The following NLRP2 variants were observed in gnomAD, a reference collection of about 807,000 sequenced individuals.
NLRP2 encodes NACHT, LRR and PYD domains-containing protein 2.
In NLRP2, 107 loss-of-function variants were observed where a neutral mutation model predicts 97.2. That is an observed-to-expected ratio of 1.10 (90% CI 0.94 to 1.29). The LOEUF (loss-of-function observed/expected upper bound fraction) is 1.29. NLRP2 is among the 50% of genes most tolerant of loss of function. The probability of loss-of-function intolerance (pLI) is 0.00; values close to 1 mark genes in which losing one functional copy is unlikely to be tolerated. For synonymous variants in NLRP2, 663 were observed against 551.5 expected, an observed-to-expected ratio of 1.20 and a Z score of -2.83; for missense variants, 1,495 against 1,330.3, an observed-to-expected ratio of 1.12 and a Z score of -1.93.
Position 54,982,968 on chromosome 19 carries a change from A to G in NLRP2, c.1270A>G (p.Thr424Ala), listed in dbSNP as rs149876739. 290 of 1,611,440 alleles carry G rather than the reference A, an allele frequency of 1.8e-4. 1 individual carries two copies. The African/African-American group carries it at 3.4e-3, about 19-fold the overall frequency. The change falls in exon 6 of 13, where the codon ACC (threonine) becomes GCC (alanine). Residue 424 changes from threonine to alanine, a missense_variant. Coordinates refer to ENST00000448584, the MANE Select transcript of NLRP2 (RefSeq NM_017852.5). The stretch of plus-strand genomic sequence containing the variant: ...GGAGGACCCGGTCCCCACCTGCCTC[A>G]CCCGCACGGGGCTGTTCCTGCGTTT... The part of the protein sequence containing the change: ...KGEDPVPTCL[T>A]RTGLFLRFLC...
intron 10 of NLRP2, 70 bp from the exon 11 acceptor site, chr19:54,994,199 G>T: frequency 1.3e-6 from 2 of 1,532,070 alleles, no homozygotes; most frequent in Non-Finnish European, 1.8e-6. Context: ...CGGCTCAAGA[G>T]TCAAAGGTGC....
rs140256246 is a variant in NLRP2 at position 54,992,942 on chromosome 19, C to T, written c.2709-1327C>T. On this transcript the variant is annotated intron_variant, in intron 10 of 12. Transcript: ENST00000448584. The stretch of plus-strand genomic sequence containing the variant: ...GTCTTATGTGGGTTTTCCTCCATTA[C>T]AGTCATGGAAGTTTCTAGAAGGCCG... Among the ~76,000 whole-genome samples the T allele has an allele frequency of 2.0e-5, 3 of 152,094 alleles. No homozygotes were observed. In the East Asian group the frequency reaches 5.8e-4, roughly 29 times the overall value.
rs571531167 is a variant in NLRP2, at chr19:54,985,123, G to A, written c.2107G>A (p.Gly703Ser). 6.2e-7 allele frequency: 1 copy of A among 1,614,040 alleles called. No homozygotes were observed. The highest frequency in any genetic ancestry group is 2.2e-5 in the East Asian group (1 of 44,876). ...SIFGSNKDLM[G>S]LAINDSFLSA... ...ATTTGGATCAAATAAGGATCTGATG[G>A]GTCTAGCAATCAATGATAGCTTTCT... The change falls in exon 7 of 13, where the codon GGT becomes AGT. Residue 703 changes from glycine to serine, a missense_variant. Gly to Ser is a moderately conservative substitution (Grantham distance 56). Coordinates refer to ENST00000448584, the MANE Select transcript of NLRP2 (RefSeq NM_017852.5).
intron 1 of NLRP2, among the ~76,000 whole-genome samples, chr19:54,967,651 A>T (rs185811264): frequency 3.1e-4 from 47 of 152,090 alleles, no homozygotes; most frequent in African/African-American, 9.9e-4. Flanking sequence ...TCCAAAAAAA[A>T]AAATATATTG....
intron 2 of NLRP2, among the ~76,000 whole-genome samples, chr19:54,973,497 T>C (rs2071006232): frequency 6.6e-6 from 1 of 151,844 alleles, no homozygotes; most frequent in African/African-American, 2.4e-5. Context: ...TGCCTCAGCC[T>C]CCAGAGTAGC....
intron 10 of NLRP2, among the ~76,000 whole-genome samples, chr19:54,992,488 GT>G (rs2146519214): frequency 1.5e-5 from 2 of 129,908 alleles, no homozygotes; most frequent in African/African-American, 5.9e-5. Flanking sequence ...TGAATGTCTA[GT>G]TTTTTTGGTT....
At chr19:54,989,433 C>A (rs1024966555) in intron 8 of NLRP2, 2 of 164,556 alleles carry the variant, frequency 1.2e-5, no homozygotes, top group Non-Finnish European at 2.7e-5. Flanking sequence ...GATCGCGCCA[C>A]TACACTCCAG....
chr19:54,984,017 AT>A (rs1190108792), intron 6 of NLRP2, among the ~76,000 whole-genome samples: 1 of 152,108 alleles, frequency 6.6e-6, no homozygotes, highest in Admixed American at 6.6e-5. Context: ...TGCCCGGCTA[AT>A]TTTTATATTT....
At chr19:54,981,509 G>GTCCCC in intron 4 of NLRP2, 108 bp from the exon 5 acceptor site, 6 of 386,504 alleles carry the variant, frequency 1.6e-5, no homozygotes, top group South Asian at 4.2e-5. Context: ...CTGATCCCGT[G>GTCCCC]CCCCCCCTCC....
At chr19:54,972,305 T>C (rs1036320432) in intron 2 of NLRP2, among the ~76,000 whole-genome samples, 4 of 151,946 alleles carry the variant, frequency 2.6e-5, no homozygotes, top group Admixed American at 6.6e-5. Flanking sequence ...CATCAGCCTC[T>C]TGAATAGCTA....
chr19:54,977,873 T>C (rs778038238), intron 4 of NLRP2, 50 bp downstream of exon 4: 14 of 1,528,860 alleles, frequency 9.2e-6, no homozygotes, highest in Non-Finnish European at 1.2e-5. Context: ...AGCCCCCCGT[T>C]CTTGCTGCTA....
chr19:54,987,746 A>G (rs1568516251), intron 8 of NLRP2, among the ~76,000 whole-genome samples: 1 of 146,138 alleles, frequency 6.8e-6, no homozygotes, highest in Non-Finnish European at 1.6e-5. Context: ...TCTCAAAAAA[A>G]AAAAAAAAAA....
In NLRP2 at chr19:54,966,391, C is replaced by T. The variant is rs1234648695; in HGVS notation, c.-94C>T. The stretch of plus-strand genomic sequence containing the variant: ...CGAGGGCCAATCACAGGGCTGCGGC[C>T]GAGAGAGAAGCCTTATTAGAGCTTT... On this transcript the variant is annotated 5_prime_UTR_variant, in exon 1 of 13. Transcript: ENST00000448584. The T allele has an allele frequency of 6.6e-6, 1 of 151,918 alleles. No individual in the cohort carries two copies. Among genetic ancestry groups the T allele is most frequent in the Non-Finnish European group, 1.5e-5 (1 of 68,020 alleles). 9.4% of individuals were successfully genotyped at this position (151,918 alleles called of 1,614,324 possible).
intron 4 of NLRP2, among the ~76,000 whole-genome samples, chr19:54,980,361 A>AT (rs1421284075): frequency 1.3e-5 from 2 of 151,380 alleles, no homozygotes; most frequent in South Asian, 2.1e-4. Flanking sequence ...CGCCCGGCTA[A>AT]TTTTTTGTAT....
At chr19:54,994,192 C>T in intron 10 of NLRP2, 77 bp from the exon 11 acceptor site, 1 of 1,487,540 alleles carries the variant, frequency 6.7e-7, no homozygotes, top group Non-Finnish European at 9.4e-7. Flanking sequence ...TAACCCACGG[C>T]TCAAGAGTCA....
rs989401473 is a variant in NLRP2, at chr19:54,970,769, T to C, written c.280+474T>C. 4.6e-5 allele frequency among the ~76,000 whole-genome samples: 5 copies of C among 108,942 alleles called. No individual in the cohort carries two copies. In the East Asian group the frequency reaches 1.5e-3, roughly 33 times the overall value. The allele number at this position is 108,942 out of a possible 152,430, so 71.5% of individuals were successfully genotyped here. A position where few individuals can be genotyped will look rare whatever the true frequency, so the allele number is the denominator to read the frequency against. ...TCCTGGTCCTTATTTTCTACCTACTTCTTTTTTTTTTTTTTTTTGTCCTTT... is the reference window on the plus strand; with the variant it reads ...TCCTGGTCCTTATTTTCTACCTACTCCTTTTTTTTTTTTTTTTTGTCCTTT... On this transcript the variant is annotated intron_variant, in intron 2 of 12. Transcript: ENST00000448584.
chr19:54,972,649 G>T (rs573303519), intron 2 of NLRP2, among the ~76,000 whole-genome samples: 68 of 151,894 alleles, frequency 4.5e-4, no homozygotes, highest in African/African-American at 1.6e-3. Context: ...TAGAGATAGG[G>T]TTTCACCATG....
chr19:54,989,680 G>T, intron 8 of NLRP2: 1 of 414,432 alleles, frequency 2.4e-6, no homozygotes, highest in Non-Finnish European at 4.5e-6. Flanking sequence ...TCCACGGTTA[G>T]ATTCTCAAGA....
At position 54,986,326 on chromosome 19, in the gene NLRP2, T is replaced by G. The variant is rs757380342; in HGVS notation, c.2366+11T>G. 6.2e-7 allele frequency: 1 copy of G among 1,609,446 alleles called. No homozygotes were observed. ...CCTGCGATATCTCGGGTATATCTCT[T>G]AATCATTAAAATCCTTCATCATACA... On this transcript the variant is annotated intron_variant, in intron 8 of 12. Coordinates refer to ENST00000448584, the MANE Select transcript of NLRP2 (RefSeq NM_017852.5).
Sources: gnomAD v4.1 joint callset for allele counts (sites outside exome capture counted in the v4.1 genomes callset) on GRCh38, gnomAD v4.1.1 for gene constraint, MANE v1.5 for transcripts, NCBI Gene and HGNC (gene_info 2026-07-23, HGNC 2026-07-21) for gene names.